The following MCTP1 variants were observed in gnomAD, a reference collection of about 807,000 sequenced individuals.
MCTP1 encodes multiple C2 and transmembrane domain-containing protein 1.
MCTP1 carries 69 observed loss-of-function variants against 120.6 expected under a neutral mutation model. That is an observed-to-expected ratio of 0.57 (90% CI 0.47 to 0.70). The LOEUF is 0.70. Ranked by LOEUF, MCTP1 falls within the 30% of genes least tolerant of loss-of-function variation. The pLI, the probability that MCTP1 is intolerant of heterozygous loss-of-function variation, is 0.00. For synonymous variants in MCTP1, 529 were observed against 493.1 expected (o/e 1.07, Z -0.96); for missense variants, 1,203 against 1,248.8 (o/e 0.96, Z 0.55).
chr5:94,825,800 A>G (rs1674785403), intron 17 of MCTP1, among the ~76,000 whole-genome samples: 1 of 152,030 alleles, frequency 6.6e-6, no homozygotes, highest in Non-Finnish European at 1.5e-5. Flanking sequence ...TAGGATAGTT[A>G]GCTCTTCTTA....
chr5:95,130,578 G>A (rs1476978814), intron 1 of MCTP1, among the ~76,000 whole-genome samples: 1 of 152,172 alleles, frequency 6.6e-6, no homozygotes, highest in Non-Finnish European at 1.5e-5. Flanking sequence ...AAACAGAGAT[G>A]CATTTTCTCA....
At chr5:95,249,850 C>A (rs1168435485) in intron 1 of MCTP1, among the ~76,000 whole-genome samples, 3 of 152,126 alleles carry the variant, frequency 2.0e-5, no homozygotes, top group African/African-American at 7.2e-5. Flanking sequence ...AGTTCATATC[C>A]TTTGCAGGGA....
chr5:95,210,289 T>C (rs906084910), intron 1 of MCTP1, among the ~76,000 whole-genome samples: 5 of 151,990 alleles, frequency 3.3e-5, no homozygotes, highest in East Asian at 1.9e-4. Flanking sequence ...AGGTCTCCCA[T>C]TATTATTGTG....
Position 95,284,189 on chromosome 5 carries a change from C to T in MCTP1, c.387G>A (p.Leu129=). 6.5e-7 allele frequency: 1 copy of T among 1,543,478 alleles called. No individual in the cohort carries two copies. Among genetic ancestry groups the T allele is most frequent in the South Asian group, 1.2e-5 (1 of 84,538 alleles). The change falls in exon 1 of 23, where the codon TTG becomes TTA. Residue 129 remains leucine, a synonymous_variant. Coordinates refer to ENST00000515393, the MANE Select transcript of MCTP1 (RefSeq NM_024717.7). The surrounding 1 kb of genome is among the most constrained non-coding windows in gnomAD (Gnocchi z 5.2). ...CCGCGGGCCCCTTTACGGCGGGGAG[C>T]AAATGCTCGCGGATCCGGCGGCGTA... ...STLRRRIREH[L]LPAVKGPAAA...
intron 1 of MCTP1, among the ~76,000 whole-genome samples, chr5:95,261,662 T>C (rs1386635812): frequency 1.3e-5 from 2 of 152,246 alleles, no homozygotes; most frequent in East Asian, 3.8e-4. Flanking sequence ...TCAAAATTTG[T>C]TGCCACTGTT....
intron 1 of MCTP1, among the ~76,000 whole-genome samples, chr5:95,200,617 T>G (rs893017013): frequency 1.3e-5 from 2 of 152,224 alleles, no homozygotes; most frequent in Non-Finnish European, 2.9e-5. Context: ...AAATACCACA[T>G]GATCTCACTT....
chr5:94,894,490 G>A (rs1194306185), intron 11 of MCTP1, among the ~76,000 whole-genome samples, 159 bp downstream of exon 11: 1 of 152,130 alleles, frequency 6.6e-6, no homozygotes, highest in Non-Finnish European at 1.5e-5. Context: ...CAAATACTTC[G>A]GCAAAGGTCT....
chr5:95,160,983 A>G (rs577694410), intron 1 of MCTP1, among the ~76,000 whole-genome samples: 2 of 152,190 alleles, frequency 1.3e-5, no homozygotes, highest in Non-Finnish European at 2.9e-5. Flanking sequence ...ACTCTTGTGA[A>G]CTGTTGCTGG....
chr5:94,942,361 A>G lies in MCTP1; in HGVS notation c.1048T>C (p.Leu350=), dbSNP rs753823872. Residue 350 remains leucine (L), a synonymous_variant, in exon 4 of 23, where the codon TTG becomes CTG. Coordinates refer to ENST00000515393, the MANE Select transcript of MCTP1 (RefSeq NM_024717.7). ...MGSAFLDLTQ[L]ELNRPTDVTL... Reference sequence around the variant, plus strand: ...TTCAAAAGTTACCTGTTTAACTCCAATTGTGTCAGATCCAGAAAGGCTGAG... The same window carrying G: ...TTCAAAAGTTACCTGTTTAACTCCAGTTGTGTCAGATCCAGAAAGGCTGAG... 7 of 1,611,062 alleles carry G rather than the reference A, an allele frequency of 4.3e-6. No individual in the cohort carries two copies. Among genetic ancestry groups the G allele is most frequent in the Non-Finnish European group, 5.9e-6 (7 of 1,177,986 alleles).
chr5:94,710,644 G>A (rs746110628), intron 21 of MCTP1, 174 bp downstream of exon 21: 154 of 524,784 alleles, frequency 2.9e-4, no homozygotes, highest in South Asian at 7.5e-4. Flanking sequence ...ACATTTTGCA[G>A]GTGGACCTAA....
Position 94,736,962 on chromosome 5 carries a change from A to ACT in MCTP1, c.2611-22078_2611-22077dup, listed in dbSNP as rs1257440017. On this transcript the variant is annotated intron_variant, in intron 19 of 22. Transcript: ENST00000515393. ...AATCCCAACAGACATGGAGACCCTGACTTCATGATGCTTATAGTCAAGTGA... is the reference window on the plus strand; with the variant it reads ...AATCCCAACAGACATGGAGACCCTGACTCTTCATGATGCTTATAGTCAAGTGA... Among the ~76,000 whole-genome samples, 6 of 152,142 alleles carry ACT rather than the reference A, an allele frequency of 3.9e-5. No homozygotes were observed. In the East Asian group the frequency reaches 9.6e-4, roughly 24 times the overall value.
At chr5:95,216,640 T>C (rs1163062160) in intron 1 of MCTP1, among the ~76,000 whole-genome samples, 2 of 143,896 alleles carry the variant, frequency 1.4e-5, no homozygotes, top group Non-Finnish European at 3.1e-5. Flanking sequence ...AAGAAGTAGC[T>C]ATGGCAAGAG....
intron 1 of MCTP1, among the ~76,000 whole-genome samples, chr5:95,273,632 A>G (rs780698457): frequency 4.6e-5 from 7 of 152,216 alleles, no homozygotes; most frequent in Non-Finnish European, 7.3e-5. Context: ...CTGACACTGC[A>G]CAAAAAAGAG....
At position 94,717,029 on chromosome 5, in the gene MCTP1, G is replaced by A. The variant is rs539398218; in HGVS notation, c.2611-2143C>T. On this transcript the variant is annotated intron_variant, in intron 19 of 22. Transcript: ENST00000515393. ...GGAAGTGTTGTTATTGGGTAGTTGC[G>A]TTAACTATTTGGGGAAAGTTATGTT... is the stretch of plus-strand genomic sequence containing the variant. Among the ~76,000 whole-genome samples the A allele has an allele frequency of 3.3e-5, 5 of 152,216 alleles. No homozygotes were observed. In the East Asian group the frequency reaches 9.7e-4, roughly 29 times the overall value.
At chr5:95,185,025 T>C (rs1322280206) in intron 1 of MCTP1, among the ~76,000 whole-genome samples, 1 of 152,218 alleles carries the variant, frequency 6.6e-6, no homozygotes, top group African/African-American at 2.4e-5. Context: ...AACTCCGGTC[T>C]CTTGCACAGC....
At chr5:94,717,293 C>T (rs184432320) in intron 19 of MCTP1, among the ~76,000 whole-genome samples, 421 of 152,068 alleles carry the variant, frequency 2.8e-3, no homozygotes, top group Non-Finnish European at 4.3e-3. Flanking sequence ...TTTCAATAGA[C>T]GCGAAAAAGG....
At chr5:94,770,940 G>T (rs1773916230) in intron 19 of MCTP1, among the ~76,000 whole-genome samples, 1 of 152,084 alleles carries the variant, frequency 6.6e-6, no homozygotes, top group African/African-American at 2.4e-5. Context: ...CTTTCGCCAA[G>T]TCAGTGTTTC....
At chr5:94,858,781 G>A (rs940496734) in intron 17 of MCTP1, among the ~76,000 whole-genome samples, 5 of 151,542 alleles carry the variant, frequency 3.3e-5, no homozygotes, top group African/African-American at 1.2e-4. Context: ...ACCATTAAAA[G>A]CCCACACAAT....
At chr5:95,042,925 T>G (rs1190012013) in intron 1 of MCTP1, among the ~76,000 whole-genome samples, 1 of 152,214 alleles carries the variant, frequency 6.6e-6, no homozygotes, top group East Asian at 1.9e-4. Context: ...ACCCCTTTTA[T>G]ACTATTATAA....
Sources: gnomAD v4.1 joint callset for allele counts (sites outside exome capture counted in the v4.1 genomes callset) on GRCh38, gnomAD v4.1.1 for gene constraint, Gnocchi (gnomAD v3.1) non-coding constraint, MANE v1.5 for transcripts, NCBI Gene and HGNC (gene_info 2026-07-23, HGNC 2026-07-21) for gene names.